DACH1: variants seen among roughly 807,000 people sequenced by gnomAD.
DACH1 encodes the protein dachshund family transcription factor 1.
Under a neutral mutation model 54.2 loss-of-function variants are expected in DACH1, and 12 were observed. The ratio of observed to expected loss-of-function variants is 0.22; its 90% CI spans 0.14 to 0.36. The LOEUF is 0.36. DACH1 is among the 10% of genes least tolerant of loss of function. DACH1 has a pLI of 1.00. For missense variants in DACH1, 805 were observed against 929.8 expected, an observed-to-expected ratio of 0.87 and a Z score of 1.75; for synonymous variants, 386 against 366.2, an observed-to-expected ratio of 1.05 and a Z score of -0.62.
At chr13:71,813,806 T>C (rs1887810051) in intron 1 of DACH1, among the ~76,000 whole-genome samples, 1 of 152,090 alleles carries the variant, frequency 6.6e-6, no homozygotes, top group African/African-American at 2.4e-5. Flanking sequence ...TCATAATTTT[T>C]AGAGTTAGAA....
chr13:71,598,065 G>C (rs1217711428), intron 3 of DACH1, among the ~76,000 whole-genome samples: 2 of 143,862 alleles, frequency 1.4e-5, no homozygotes, highest in African/African-American at 2.7e-5. Flanking sequence ...GGGCAACAGA[G>C]CAAGACCCTG....
At chr13:71,832,914 T>C (rs1456399228) in intron 1 of DACH1, among the ~76,000 whole-genome samples, 1 of 150,358 alleles carries the variant, frequency 6.7e-6, no homozygotes, top group Non-Finnish European at 1.5e-5. Context: ...TTTATCTCTA[T>C]TTTTCCTCTT....
chr13:71,736,273 C>G (rs1884114008), intron 1 of DACH1, among the ~76,000 whole-genome samples: 1 of 152,054 alleles, frequency 6.6e-6, no homozygotes. Context: ...AATAGATTAC[C>G]ATGATGTGCC....
chr13:71,457,079 A>T (rs1177167189), intron 10 of DACH1, among the ~76,000 whole-genome samples: 1 of 152,060 alleles, frequency 6.6e-6, no homozygotes, highest in African/African-American at 2.4e-5. Context: ...TACCAAGACT[A>T]AAGAATAATT....
intron 3 of DACH1, among the ~76,000 whole-genome samples, chr13:71,589,215 A>G (rs1339650093): frequency 3.3e-5 from 5 of 152,008 alleles, no homozygotes; most frequent in Non-Finnish European, 7.4e-5. Flanking sequence ...CATTCCATTA[A>G]GGAAATGGTG....
At chr13:71,463,599 A>T (rs959885048) in intron 10 of DACH1, among the ~76,000 whole-genome samples, 2 of 152,000 alleles carry the variant, frequency 1.3e-5, no homozygotes, top group African/African-American at 2.4e-5. Context: ...TTACAGTTTG[A>T]GTCCAAGTGA....
At chr13:71,849,972 G>A (rs1466543915) in intron 1 of DACH1, among the ~76,000 whole-genome samples, 1 of 152,170 alleles carries the variant, frequency 6.6e-6, no homozygotes, top group Admixed American at 6.5e-5. Flanking sequence ...ATCCAGACGT[G>A]TGTACACAAA....
chr13:71,602,255 T>C (rs1460231169), intron 3 of DACH1, among the ~76,000 whole-genome samples: 1 of 152,062 alleles, frequency 6.6e-6, no homozygotes, highest in Non-Finnish European at 1.5e-5. Flanking sequence ...CTTAAAGTGT[T>C]TTCTAAGTAA....
At chr13:71,552,196 G>C (rs1188673567) in intron 6 of DACH1, among the ~76,000 whole-genome samples, 1 of 152,062 alleles carries the variant, frequency 6.6e-6, no homozygotes, top group African/African-American at 2.4e-5. Flanking sequence ...GAAAGAGAGC[G>C]ATTGATTTGC....
chr13:71,711,761 C>T (rs1007597607), intron 1 of DACH1, among the ~76,000 whole-genome samples: 6 of 151,918 alleles, frequency 3.9e-5, no homozygotes, highest in African/African-American at 7.3e-5. Context: ...AAGACTAGCA[C>T]GAATGTTATT....
intron 1 of DACH1, among the ~76,000 whole-genome samples, chr13:71,703,302 G>A (rs536078238): frequency 2.0e-5 from 3 of 152,256 alleles, no homozygotes; most frequent in East Asian, 3.9e-4. Context: ...GAGACTTGCT[G>A]TGGCCAATGA....
At chr13:71,830,241 T>C (rs536659671) in intron 1 of DACH1, among the ~76,000 whole-genome samples, 109 of 151,984 alleles carry the variant, frequency 7.2e-4, no homozygotes, top group African/African-American at 2.6e-3. Flanking sequence ...AAAATTCTTA[T>C]GATAGCCAAT....
chr13:71,714,796 T>C (rs1044182180), intron 1 of DACH1, among the ~76,000 whole-genome samples: 2 of 152,066 alleles, frequency 1.3e-5, no homozygotes, highest in Admixed American at 6.6e-5. Context: ...AGAGATTTTT[T>C]AAAAATGTAT....
At chr13:71,688,082 G>A (rs958392663) in intron 1 of DACH1, among the ~76,000 whole-genome samples, 1 of 152,000 alleles carries the variant, frequency 6.6e-6, no homozygotes, top group African/African-American at 2.4e-5. Flanking sequence ...TTCCATTTGA[G>A]TTCTAAAATA....
intron 3 of DACH1, among the ~76,000 whole-genome samples, chr13:71,598,866 T>A (rs1874298881): frequency 6.6e-6 from 1 of 152,148 alleles, no homozygotes; most frequent in Non-Finnish European, 1.5e-5. Flanking sequence ...GCACCAGAAA[T>A]CTGGTGATTT....
chr13:71,842,712 G>A (rs1321189900), intron 1 of DACH1, among the ~76,000 whole-genome samples: 1 of 150,236 alleles, frequency 6.7e-6, no homozygotes, highest in African/African-American at 2.4e-5. Context: ...TGCTGGTGGA[G>A]GTTAGAAGAA....
At chr13:71,862,578 T>G (rs1412663434) in intron 1 of DACH1, among the ~76,000 whole-genome samples, 1 of 152,088 alleles carries the variant, frequency 6.6e-6, no homozygotes, top group Non-Finnish European at 1.5e-5. Context: ...CCTTTATTTT[T>G]TAGCTTTACT....
In DACH1 at chr13:71,476,855, T is replaced by C. The variant is rs915587796; in HGVS notation, c.1871-1006A>G. Among the ~76,000 whole-genome samples, 8 of 151,512 alleles carry C rather than the reference T, an allele frequency of 5.3e-5. No individual in the cohort carries two copies. In the East Asian group the frequency reaches 7.7e-4, roughly 15 times the overall value. ...TATGCATTTTTCTTTAAAATTATCT[T>C]TGTTGATGGTTGATAAACATTGTAG... On this transcript the variant is annotated intron_variant, in intron 8 of 10. Transcript: ENST00000613252.
chr13:71,655,872 T>A (rs993679016), intron 2 of DACH1, among the ~76,000 whole-genome samples: 2 of 152,166 alleles, frequency 1.3e-5, no homozygotes, highest in Non-Finnish European at 2.9e-5. Flanking sequence ...ATTTACAAAA[T>A]GTCAACATGG....
Sources: gnomAD v4.1 joint callset for allele counts (sites outside exome capture counted in the v4.1 genomes callset) on GRCh38, gnomAD v4.1.1 for gene constraint, MANE v1.5 for transcripts, NCBI Gene and HGNC (gene_info 2026-07-23, HGNC 2026-07-21) for gene names.